Variants in SLC8A1 observed in about 807,000 individuals in gnomAD.
The protein encoded by SLC8A1 is solute carrier family 8 member A1.
Under a neutral mutation model 68.3 loss-of-function variants are expected in SLC8A1, and 18 were observed. The observed-to-expected ratio is 0.26, with a 90% CI of 0.18 to 0.39. The LOEUF (loss-of-function observed/expected upper bound fraction) is 0.39. Ranked by LOEUF, SLC8A1 falls within the 10% of genes least tolerant of loss-of-function variation. The probability of loss-of-function intolerance (pLI) is 1.00; values close to 1 mark genes in which losing one functional copy is unlikely to be tolerated. For missense variants in SLC8A1, 985 were observed against 1,156.7 expected, an observed-to-expected ratio of 0.85 and a Z score of 2.15; for synonymous variants, 475 against 415.5, an observed-to-expected ratio of 1.14 and a Z score of -1.74.
In SLC8A1 at chr2:40,256,326, C is replaced by T. The variant is rs528115061; in HGVS notation, c.1809-78471G>A. ...GGCTGCCTGGATTCTAATGGGGTTACTCTAATGTGTTTTAAGACCAAGGCT... is the reference window on the plus strand; with the variant it reads ...GGCTGCCTGGATTCTAATGGGGTTATTCTAATGTGTTTTAAGACCAAGGCT... On this transcript the variant is annotated intron_variant, in intron 2 of 7. Coordinates refer to ENST00000406785, the Ensembl canonical transcript of SLC8A1. 2.0e-5 allele frequency among the ~76,000 whole-genome samples: 3 copies of T among 152,166 alleles called. No homozygotes were observed. In the East Asian group the frequency reaches 5.8e-4, roughly 29 times the overall value.
intron 2 of SLC8A1, among the ~76,000 whole-genome samples, chr2:40,415,857 T>TACACACAC (rs1491346327): frequency 5.9e-5 from 6 of 101,748 alleles, no homozygotes; most frequent in Non-Finnish European, 5.6e-5. Flanking sequence ...CTACTAAAAG[T>TACACACAC]ATACACACAC....
chr2:40,250,309 A>C (rs561761875), intron 2 of SLC8A1: 1 of 152,194 alleles, frequency 6.6e-6, no homozygotes, highest in Non-Finnish European at 1.5e-5. Context: ...TTTTTTATCT[A>C]CAAGTTGGGA....
intron 2 of SLC8A1, among the ~76,000 whole-genome samples, chr2:40,299,606 T>C (rs1205248825): frequency 6.6e-6 from 1 of 152,122 alleles, no homozygotes; most frequent in Non-Finnish European, 1.5e-5. Context: ...CATTTGGACT[T>C]GTAAGGGTGA....
intron 6 of SLC8A1, among the ~76,000 whole-genome samples, chr2:40,150,382 A>G (rs1173669026): frequency 6.6e-6 from 1 of 152,106 alleles, no homozygotes; most frequent in African/African-American, 2.4e-5. Flanking sequence ...GAGGGTGGCT[A>G]TGGTTTCTCT....
intron 2 of SLC8A1, among the ~76,000 whole-genome samples, chr2:40,375,862 C>A (rs555245715): frequency 6.6e-6 from 1 of 151,948 alleles, no homozygotes; most frequent in African/African-American, 2.4e-5. Flanking sequence ...ATTAGCTGGG[C>A]GCAGTGGTGC....
chr2:40,164,209 T>G (rs1442322309), intron 5 of SLC8A1, among the ~76,000 whole-genome samples: 2 of 152,086 alleles, frequency 1.3e-5, no homozygotes, highest in African/African-American at 4.8e-5. Context: ...CACTTCAAAG[T>G]CTTAAGCTCC....
intron 1 of SLC8A1, among the ~76,000 whole-genome samples, chr2:40,506,612 A>G (rs1706384566): frequency 6.6e-6 from 1 of 151,932 alleles, no homozygotes; most frequent in Non-Finnish European, 1.5e-5. Context: ...GTTGTTGATA[A>G]TTTTAAAAAA....
At chr2:40,398,600 C>T (rs908174878) in intron 2 of SLC8A1, among the ~76,000 whole-genome samples, 2 of 152,090 alleles carry the variant, frequency 1.3e-5, no homozygotes, top group African/African-American at 2.4e-5. Context: ...TATAAAAATG[C>T]AATCATAGAA....
exon 8 of SLC8A1, chr2:40,112,824 G>C (rs5552): frequency 3.3e-5 from 5 of 152,270 alleles, no homozygotes; most frequent in African/African-American, 1.2e-4. Context: ...GTTTAAAATG[G>C]AGAGATATAT....
At chr2:40,115,935 T>C (rs114221972) in intron 7 of SLC8A1, among the ~76,000 whole-genome samples, 2,148 of 152,300 alleles carry the variant, frequency 0.014, 45 homozygotes, top group East Asian at 0.078. Context: ...TTTCAGAAAG[T>C]AGTCACAGCT....
At chr2:40,165,263 C>T (rs559405611) in intron 4 of SLC8A1, among the ~76,000 whole-genome samples, 2 of 152,306 alleles carry the variant, frequency 1.3e-5, no homozygotes, top group Admixed American at 1.3e-4. Context: ...TGAGAAAAGA[C>T]TCTGCCTGTA....
chr2:40,162,346 T>C (rs540680086), intron 5 of SLC8A1, among the ~76,000 whole-genome samples: 1 of 152,302 alleles, frequency 6.6e-6, no homozygotes, highest in East Asian at 1.9e-4. Context: ...TAATAAGAAA[T>C]GACCTCGATT....
intron 2 of SLC8A1, among the ~76,000 whole-genome samples, chr2:40,227,607 G>C (rs942596272): frequency 3.3e-5 from 5 of 151,852 alleles, no homozygotes; most frequent in African/African-American, 9.7e-5. Flanking sequence ...ATTGATACTA[G>C]GCTTAATACC....
intron 2 of SLC8A1, among the ~76,000 whole-genome samples, chr2:40,194,258 T>C (rs2148662884): frequency 6.6e-6 from 1 of 152,278 alleles, no homozygotes; most frequent in East Asian, 1.9e-4. Flanking sequence ...TAAAGGAAAT[T>C]ATCAAAAACT....
At chr2:40,231,484 A>G (rs1445814234) in intron 2 of SLC8A1, among the ~76,000 whole-genome samples, 2 of 151,920 alleles carry the variant, frequency 1.3e-5, no homozygotes, top group Non-Finnish European at 2.9e-5. Flanking sequence ...CTAGTCCCCC[A>G]CTTTTCACAC....
chr2:40,285,436 TTGTC>T (rs1223135258), intron 2 of SLC8A1, among the ~76,000 whole-genome samples: 4 of 152,268 alleles, frequency 2.6e-5, no homozygotes, highest in South Asian at 2.1e-4. Flanking sequence ...TTTTTGTTGT[TTGTC>T]TGGTTCTTTC....
At chr2:40,257,859 C>T (rs1292338071) in intron 2 of SLC8A1, among the ~76,000 whole-genome samples, 1 of 152,204 alleles carries the variant, frequency 6.6e-6, no homozygotes, top group African/African-American at 2.4e-5. Flanking sequence ...CACATCTCCA[C>T]ATGGACACAG....
Position 40,396,788 on chromosome 2 carries a change from TA to T in SLC8A1, c.1808+31684del, listed in dbSNP as rs561151438. On this transcript the variant is annotated intron_variant, in intron 2 of 7. Transcript: ENST00000406785. Reference sequence around the variant, plus strand: ...AAAAAAAAAAAAAAACAAGAGAAGTTAAAGAAGCAAACCAGCAAGAGAAACT... The same window carrying T: ...AAAAAAAAAAAAAAACAAGAGAAGTTAAGAAGCAAACCAGCAAGAGAAACT... Among the ~76,000 whole-genome samples the T allele has an allele frequency of 5.6e-3, 660 of 118,254 alleles. 4 individuals are homozygous for T. The highest frequency in any genetic ancestry group is 8.2e-3 in the Non-Finnish European group (480 of 58,666). 77.6% of individuals were successfully genotyped at this position (118,254 alleles called of 152,430 possible).
chr2:40,435,448 T>C (rs1576469111), intron 1 of SLC8A1, among the ~76,000 whole-genome samples: 1 of 152,148 alleles, frequency 6.6e-6, no homozygotes, highest in South Asian at 2.1e-4. Context: ...GACCCTCTAC[T>C]AATACCTAAT....
Sources: gnomAD v4.1 joint callset for allele counts (sites outside exome capture counted in the v4.1 genomes callset) on GRCh38, gnomAD v4.1.1 for gene constraint, MANE v1.5 for transcripts, NCBI Gene and HGNC (gene_info 2026-07-23, HGNC 2026-07-21) for gene names.